The following ADAMTS6 variants were observed in gnomAD, a reference collection of about 807,000 sequenced individuals.
ADAMTS6 encodes A disintegrin and metalloproteinase with thrombospondin motifs 6.
ADAMTS6 carries 23 observed loss-of-function variants against 144.3 expected under a neutral mutation model. The observed-to-expected ratio is 0.16, with a 90% CI of 0.11 to 0.23. The LOEUF (loss-of-function observed/expected upper bound fraction) is 0.23. Among genes scored for constraint, ADAMTS6 ranks in the 10% least tolerant of loss-of-function variants. ADAMTS6 has a pLI of 1.00. For missense variants in ADAMTS6, 999 were observed against 1,379.6 expected, an observed-to-expected ratio of 0.72 and a Z score of 4.37; for synonymous variants, 444 against 457.5, an observed-to-expected ratio of 0.97 and a Z score of 0.38.
At chr5:65,223,991 G>T (rs1757526884) in intron 18 of ADAMTS6, among the ~76,000 whole-genome samples, 1 of 151,890 alleles carries the variant, frequency 6.6e-6, no homozygotes. Flanking sequence ...TATTAGAGAT[G>T]GGGTTTCACT....
chr5:65,242,199 G>A lies in ADAMTS6; in HGVS notation c.1838C>T (p.Pro613Leu). 1 of 1,592,976 alleles carries A rather than the reference G, an allele frequency of 6.3e-7. No individual in the cohort carries two copies. The highest frequency in any genetic ancestry group is 8.6e-7 in the Non-Finnish European group (1 of 1,167,380). The stretch of plus-strand genomic sequence containing the variant: ...CTCTCGAAAATCTCGGGAACCCAAA[G>A]GGCATGGCTAAAATAAAATAAAATC... ...RYRSCNTDPC[P>L]LGSRDFREKQ... Residue 613 changes from proline to leucine, a missense_variant, in exon 15 of 25, where the codon CCT (proline) becomes CTT (leucine). By Grantham distance (98) the Pro-to-Leu change is moderately conservative (BLOSUM62 -3). Around this residue, in one of 3 missense-constraint regions of ADAMTS6, gnomAD observed 619 missense variants for 837.0 expected, o/e 0.74. Coordinates refer to ENST00000381055, the MANE Select transcript of ADAMTS6 (RefSeq NM_197941.4).
intron 3 of ADAMTS6, among the ~76,000 whole-genome samples, chr5:65,470,409 G>T (rs1294976850): frequency 6.6e-6 from 1 of 152,002 alleles, no homozygotes; most frequent in Non-Finnish European, 1.5e-5. Context: ...TCAGTGTTGT[G>T]GCTTCCTGCC....
At chr5:65,209,359 G>A (rs577735905) in intron 20 of ADAMTS6, among the ~76,000 whole-genome samples, 2 of 152,286 alleles carry the variant, frequency 1.3e-5, no homozygotes, top group South Asian at 4.1e-4. Context: ...AGTAGCAATG[G>A]TTCTGGAAAT....
chr5:65,324,826 G>A (rs907028809), intron 9 of ADAMTS6, among the ~76,000 whole-genome samples: 18 of 152,148 alleles, frequency 1.2e-4, no homozygotes, highest in Middle Eastern at 3.4e-3. Context: ...GCTACCAACC[G>A]TATCATCCAA....
intron 18 of ADAMTS6, among the ~76,000 whole-genome samples, chr5:65,218,419 C>T (rs569659458): frequency 6.6e-6 from 1 of 152,186 alleles, no homozygotes; most frequent in South Asian, 2.1e-4. Flanking sequence ...TCACAGTGTA[C>T]AACATCCAAT....
intron 21 of ADAMTS6, among the ~76,000 whole-genome samples, chr5:65,188,702 A>C (rs1036189604): frequency 6.6e-6 from 1 of 152,198 alleles, no homozygotes; most frequent in Non-Finnish European, 1.5e-5. Flanking sequence ...TGATATACTA[A>C]AGGTGAACAG....
chr5:65,383,570 G>A (rs1752224432), intron 7 of ADAMTS6, among the ~76,000 whole-genome samples: 4 of 151,818 alleles, frequency 2.6e-5, no homozygotes, highest in Non-Finnish European at 5.9e-5. Context: ...CAAGGCTCCA[G>A]GCAATCCTAC....
At chr5:65,380,137 C>T (rs887837200) in intron 7 of ADAMTS6, among the ~76,000 whole-genome samples, 1 of 151,918 alleles carries the variant, frequency 6.6e-6, no homozygotes, top group Non-Finnish European at 1.5e-5. Context: ...TTTCTCCAGA[C>T]AGCCATTTCA....
At chr5:65,232,369 C>A (rs915001154) in intron 15 of ADAMTS6, among the ~76,000 whole-genome samples, 3 of 151,050 alleles carry the variant, frequency 2.0e-5, no homozygotes, top group Non-Finnish European at 4.4e-5. Context: ...AAGCTCAGGG[C>A]AGAAATAGAT....
intron 11 of ADAMTS6, among the ~76,000 whole-genome samples, chr5:65,289,314 C>T (rs1393916193): frequency 6.6e-6 from 1 of 152,188 alleles, no homozygotes; most frequent in Non-Finnish European, 1.5e-5. Flanking sequence ...GCGGGCTGAT[C>T]ACTTGAGGTC....
intron 10 of ADAMTS6, among the ~76,000 whole-genome samples, chr5:65,296,827 T>A (rs1448509415): frequency 6.6e-6 from 1 of 152,232 alleles, no homozygotes; most frequent in Non-Finnish European, 1.5e-5. Context: ...TATGGATCTT[T>A]GACAGTTCAA....
At chr5:65,356,383 AT>A (rs1163976073) in intron 7 of ADAMTS6, among the ~76,000 whole-genome samples, 2 of 151,874 alleles carry the variant, frequency 1.3e-5, no homozygotes, top group African/African-American at 4.8e-5. Context: ...GGAGAACTCC[AT>A]CCTGGTTCTG....
intron 7 of ADAMTS6, among the ~76,000 whole-genome samples, chr5:65,402,692 ACC>A (rs34691301): frequency 2.0e-5 from 3 of 149,244 alleles, no homozygotes; most frequent in African/African-American, 7.3e-5. Context: ...ATCCAAGGAC[ACC>A]CCCCCCCATA....
intron 2 of ADAMTS6, among the ~76,000 whole-genome samples, 154 bp downstream of exon 2, chr5:65,473,423 A>G (rs910624173): frequency 6.6e-6 from 1 of 152,166 alleles, no homozygotes; most frequent in African/African-American, 2.4e-5. Flanking sequence ...AGCCCTTAAC[A>G]TTTATGAAAC....
intron 7 of ADAMTS6, among the ~76,000 whole-genome samples, chr5:65,406,353 T>G (rs1212474743): frequency 6.6e-6 from 1 of 152,074 alleles, no homozygotes; most frequent in Non-Finnish European, 1.5e-5. Flanking sequence ...GTTTTTAGCA[T>G]GAAGGGGTGT....
intron 12 of ADAMTS6, 118 bp downstream of exon 12, chr5:65,273,222 A>T: frequency 1.2e-6 from 1 of 844,302 alleles, no homozygotes; most frequent in Non-Finnish European, 1.9e-6. Context: ...TCTAGGAATT[A>T]ATTATTTTCA....
chr5:65,291,362 C>T lies in ADAMTS6; in HGVS notation c.1479G>A (p.Gln493=), dbSNP rs568895619. Residue 493 remains glutamine, a synonymous_variant, in exon 11 of 25, where the codon CAG becomes CAA. Coordinates refer to ENST00000381055, the MANE Select transcript of ADAMTS6 (RefSeq NM_197941.4). ...VYDADEQCRF[Q]YGATSRQCKY... ...TACATTGGCGGGAGGTTGCTCCATA[C>T]TGGAAACGACATTGCTCATCAGCAT... 2.5e-6 allele frequency: 4 copies of T among 1,613,868 alleles called. No homozygotes were observed. Among genetic ancestry groups the T allele is most frequent in the East Asian group, 4.5e-5 (2 of 44,856 alleles).
At chr5:65,371,168 G>GA (rs954554334) in intron 7 of ADAMTS6, among the ~76,000 whole-genome samples, 3 of 152,088 alleles carry the variant, frequency 2.0e-5, no homozygotes, top group Non-Finnish European at 4.4e-5. Flanking sequence ...CAAAGATGGG[G>GA]AAAAAAACAG....
chr5:65,359,541 C>T (rs992713739), intron 7 of ADAMTS6, among the ~76,000 whole-genome samples: 1 of 152,086 alleles, frequency 6.6e-6, no homozygotes, highest in Non-Finnish European at 1.5e-5. Flanking sequence ...TCCAGCAATC[C>T]CACTTACAGG....
Sources: allele counts gnomAD v4.1 joint callset (sites outside exome capture counted in the v4.1 genomes callset), GRCh38; gene constraint gnomAD v4.1.1; regional missense constraint gnomAD v4.1.1; transcripts MANE v1.5; gene names NCBI Gene and HGNC (gene_info 2026-07-23, HGNC 2026-07-21).